The following CD1D variants were observed in gnomAD, a reference collection of about 807,000 sequenced individuals.
CD1D encodes CD1d molecule.
Under a neutral mutation model 42.1 loss-of-function variants are expected in CD1D, and 40 were observed. That is an observed-to-expected ratio of 0.95 (90% CI 0.74 to 1.24). CD1D has a LOEUF of 1.24. Among genes scored for constraint, CD1D ranks in the 50% most tolerant of loss-of-function variants. CD1D has a pLI of 0.00. For missense variants in CD1D, 437 were observed against 416.5 expected (o/e 1.05, Z -0.43); for synonymous variants, 178 against 171.8 (o/e 1.04, Z -0.28).
Position 158,180,949 on chromosome 1 carries a change from G to T in CD1D, c.-153G>T. On this transcript the variant is annotated 5_prime_UTR_variant, in exon 1 of 6. Coordinates refer to ENST00000674085, the MANE Select transcript of CD1D (RefSeq NM_001371762.2). ...CCTTCGGCAGAAGCAGCAAACCGCC[G>T]GCAAGCCCAGCGAGGAGGGCTGCCG... 1 of 621,462 alleles carries T rather than the reference G, an allele frequency of 1.6e-6. No homozygotes were observed. The highest frequency in any genetic ancestry group is 2.5e-6 in the Non-Finnish European group (1 of 399,990). 38.5% of individuals were successfully genotyped at this position (621,462 alleles called of 1,614,324 possible). A position where few individuals can be genotyped will look rare whatever the true frequency, so the allele number is the denominator to read the frequency against.
chr1:158,181,757 A>G (rs1322531031), intron 2 of CD1D, 36 bp downstream of exon 2: 2 of 1,599,176 alleles, frequency 1.3e-6, no homozygotes. Context: ...CCGGTACCCA[A>G]GGGGAGAGAA....
Position 158,184,284 on chromosome 1 carries a change from G to A in CD1D, c.*134G>A. 3 of 843,684 alleles carry A rather than the reference G, an allele frequency of 3.6e-6. No homozygotes were observed. The highest frequency in any genetic ancestry group is 5.8e-6 in the Non-Finnish European group (3 of 518,436). 52.3% of individuals were successfully genotyped at this position (843,684 alleles called of 1,614,324 possible). On this transcript the variant is annotated 3_prime_UTR_variant, in exon 6 of 6. Coordinates refer to ENST00000674085, the MANE Select transcript of CD1D (RefSeq NM_001371762.2). ...AGGAGAGATACCTTGAAAAAGTAGA[G>A]AACAGTCATGAGGCAGCTTTCATCA...
chr1:158,179,641 G>T (rs1443477347), upstream of CD1D, among the ~76,000 whole-genome samples: 1 of 152,170 alleles, frequency 6.6e-6, no homozygotes, highest in Non-Finnish European at 1.5e-5. Flanking sequence ...TACTTCTCCT[G>T]CCTAGGGTCA....
rs2101695660 is a variant in CD1D at position 158,182,035 on chromosome 1, C to T, written c.332C>T (p.Pro111Leu). ...EFAKMLRLSY[P>L]LELQVSAGCE... is the part of the protein sequence containing the mutation. The stretch of plus-strand genomic sequence containing the variant: ...CTTTCTCCATTCCTCTCCACAGATC[C>T]CTTGGAGCTCCAGGTGTCCGCTGGC... The change falls in exon 3 of 6, where the codon CCC becomes CTC. Residue 111 changes from proline to leucine, a missense_variant. By Grantham distance (98) the Pro-to-Leu change is moderately conservative. Coordinates refer to ENST00000674085, the MANE Select transcript of CD1D (RefSeq NM_001371762.2). 1 of 1,604,812 alleles carries T rather than the reference C, an allele frequency of 6.2e-7. No homozygotes were observed. Among genetic ancestry groups the T allele is most frequent in the East Asian group, 2.2e-5 (1 of 44,798 alleles).
chr1:158,182,551 G>T, intron 3 of CD1D: 1 of 603,276 alleles, frequency 1.7e-6, no homozygotes, highest in Non-Finnish European at 2.9e-6. Context: ...ATCCCTGCTT[G>T]GTAGGGGGAT....
At chr1:158,182,602 T>C (rs1318787481) in intron 3 of CD1D, among the ~76,000 whole-genome samples, 2 of 152,102 alleles carry the variant, frequency 1.3e-5, no homozygotes, top group South Asian at 2.1e-4. Flanking sequence ...CATATGTTAC[T>C]TCAAAACAAA....
At chr1:158,181,190 A>G (rs987781655) in intron 1 of CD1D, 28 bp downstream of exon 1, 1 of 1,547,020 alleles carries the variant, frequency 6.5e-7, no homozygotes, top group Non-Finnish European at 8.7e-7. Context: ...GCTTGAGTGC[A>G]CTCGCGGGAG....
chr1:158,181,450 C>G lies in CD1D; in HGVS notation c.62-5C>G. ...TACACGCCTCCAATCTTCATTCTCT[C>G]CCAGTCCCGCAAAGGCTTTTCCCCC... On this transcript the variant is annotated splice_region_variant and splice_polypyrimidine_tract_variant and intron_variant, in intron 1 of 5. Coordinates refer to ENST00000674085, the MANE Select transcript of CD1D (RefSeq NM_001371762.2). The G allele has an allele frequency of 6.2e-7, 1 of 1,613,618 alleles. No individual in the cohort carries two copies. The highest frequency in any genetic ancestry group is 8.5e-7 in the Non-Finnish European group (1 of 1,179,680).
At chr1:158,182,464 C>A in intron 3 of CD1D, 154 bp downstream of exon 3, 2 of 783,148 alleles carry the variant, frequency 2.6e-6, no homozygotes, top group Non-Finnish European at 4.2e-6. Context: ...TCACAGACAT[C>A]AACTGAGCAC....
rs969097023 is a variant in CD1D, at chr1:158,184,015, C to T, written c.966C>T (p.Thr322=). ...TGTTCCTCCTCATTGTGGGCTTTAC[C>T]TCCCGGTTTAAGAGGCAAACGTAAG... is the stretch of plus-strand genomic sequence containing the variant. The part of the protein sequence containing the change: ...CLLFLLIVGF[T]SRFKRQTSYQ... The change falls in exon 5 of 6, where the codon ACC becomes ACT. Residue 322 remains threonine, a synonymous_variant. Transcript: ENST00000674085. 8 of 1,614,030 alleles carry T rather than the reference C, an allele frequency of 5.0e-6. No individual in the cohort carries two copies. Among genetic ancestry groups the T allele is most frequent in the Non-Finnish European group, 6.8e-6 (8 of 1,180,006 alleles).
chr1:158,181,951 A>G (rs1176550726), intron 2 of CD1D, 81 bp from the exon 3 acceptor site: 6 of 1,501,674 alleles, frequency 4.0e-6, no homozygotes, highest in Admixed American at 4.3e-5. Context: ...TCCCCATTAT[A>G]ACCTGCACAT....
rs563955440 is a variant in CD1D, at chr1:158,182,778, G to A, written c.608-100G>A. The A allele has an allele frequency of 7.0e-5, 95 of 1,351,536 alleles. No individual in the cohort carries two copies. In the East Asian group the frequency reaches 2.2e-3, roughly 31 times the overall value. 83.7% of individuals were successfully genotyped at this position (1,351,536 alleles called of 1,614,324 possible). On this transcript the variant is annotated intron_variant, in intron 3 of 5. Coordinates refer to ENST00000674085, the MANE Select transcript of CD1D (RefSeq NM_001371762.2). Reference sequence around the variant, plus strand: ...ATGTCAGGGGCATACAGGAAGGAGGGAAATAAAGACCTGAAAGTCAAAAAG... The same window carrying A: ...ATGTCAGGGGCATACAGGAAGGAGGAAAATAAAGACCTGAAAGTCAAAAAG...
Position 158,181,667 on chromosome 1 carries a change from C to A in CD1D, c.274C>A (p.Arg92=). The change falls in exon 2 of 6, where the codon CGA becomes AGA. Residue 92 remains arginine (R), a synonymous_variant. Transcript: ENST00000674085. ...GCTGCAGCATATATTTCGGGTTTATCGAAGCAGCTTCACCAGGGACGTGAA... is the reference window on the plus strand; with the variant it reads ...GCTGCAGCATATATTTCGGGTTTATAGAAGCAGCTTCACCAGGGACGTGAA... ...ETLQHIFRVY[R]SSFTRDVKEF... is the part of the protein sequence containing the mutation. The A allele has an allele frequency of 6.2e-7, 1 of 1,613,604 alleles. No homozygotes were observed. The highest frequency in any genetic ancestry group is 8.5e-7 in the Non-Finnish European group (1 of 1,180,018).
upstream of CD1D, among the ~76,000 whole-genome samples, chr1:158,180,654 C>A (rs1648348187): frequency 6.6e-6 from 1 of 152,198 alleles, no homozygotes; most frequent in Non-Finnish European, 1.5e-5. Flanking sequence ...GTCTTTCCAC[C>A]TAGAGACATG....
In CD1D at chr1:158,184,190, C is replaced by CT. The variant is rs746473013; in HGVS notation, c.*41dup. 84 of 1,610,828 alleles carry CT rather than the reference C, an allele frequency of 5.2e-5. No homozygotes were observed. Among genetic ancestry groups the CT allele is most frequent in the Non-Finnish European group, 6.5e-5 (76 of 1,177,316 alleles). On this transcript the variant is annotated 3_prime_UTR_variant, in exon 6 of 6. Transcript: ENST00000674085. ...TCTGTGTCTCTGGAACCCAGGACCT[C>CT]TGGACCTCAGGTTCCTAAGACTTCA...
upstream of CD1D, among the ~76,000 whole-genome samples, chr1:158,178,036 G>A (rs1648242969): frequency 6.6e-6 from 1 of 152,204 alleles, no homozygotes; most frequent in South Asian, 2.1e-4. Flanking sequence ...CAAAGTCGCT[G>A]GAGTTTTGCT....
upstream of CD1D, among the ~76,000 whole-genome samples, chr1:158,178,457 T>G (rs1472206956): frequency 1.3e-5 from 2 of 152,212 alleles, no homozygotes; most frequent in South Asian, 4.1e-4. Flanking sequence ...GGTCTCCTTA[T>G]GGTTAGGATA....
chr1:158,181,623 G>T lies in CD1D; in HGVS notation c.230G>T (p.Ser77Ile), dbSNP rs751998026. ...SLKPWSQGTF[S>I]DQQWETLQHI... is the part of the protein sequence containing the mutation. ...AAGCCTTGGTCCCAGGGCACGTTCA[G>T]CGACCAGCAGTGGGAGACGCTGCAG... is the stretch of plus-strand genomic sequence containing the variant. Residue 77 changes from serine to isoleucine, a missense_variant, in exon 2 of 6, where the codon AGC becomes ATC. Coordinates refer to ENST00000674085, the MANE Select transcript of CD1D (RefSeq NM_001371762.2). 67 of 1,613,974 alleles carry T rather than the reference G, an allele frequency of 4.2e-5. No individual in the cohort carries two copies. The highest frequency in any genetic ancestry group is 5.3e-5 in the Non-Finnish European group (62 of 1,180,048).
In CD1D at chr1:158,186,230, G is replaced by A. The variant is rs769669729; in HGVS notation, c.*2080G>A. ...ACCACATTGCCCACCCTCACGTGGC[G>A]CTCTTCAGCTTAGGTTCCTCTAGCA... is the stretch of plus-strand genomic sequence containing the variant. On this transcript the variant is annotated 3_prime_UTR_variant, in exon 6 of 6. Coordinates refer to ENST00000674085, the MANE Select transcript of CD1D (RefSeq NM_001371762.2). 3.9e-5 allele frequency among the ~76,000 whole-genome samples: 6 copies of A among 152,102 alleles called. No homozygotes were observed. The highest frequency in any genetic ancestry group is 1.9e-4 in the East Asian group (1 of 5,190).
Sources: allele counts gnomAD v4.1 joint callset (sites outside exome capture counted in the v4.1 genomes callset), GRCh38; gene constraint gnomAD v4.1.1; transcripts MANE v1.5; gene names NCBI Gene and HGNC (gene_info 2026-07-23, HGNC 2026-07-21).